NTRK3: variants seen among roughly 807,000 people sequenced by gnomAD.
NTRK3 encodes the protein NT-3 growth factor receptor.
In NTRK3, 24 loss-of-function variants were observed where a neutral mutation model predicts 91.7. That is an observed-to-expected ratio of 0.26 (90% CI 0.19 to 0.37). NTRK3 has a LOEUF of 0.37. Among genes scored for constraint, NTRK3 ranks in the 10% least tolerant of loss-of-function variants. The probability of loss-of-function intolerance (pLI) is 1.00; values close to 1 mark genes in which losing one functional copy is unlikely to be tolerated. For synonymous variants in NTRK3, 483 were observed against 404.0 expected (o/e 1.20, Z -2.34); for missense variants, 880 against 1,068.9 (o/e 0.82, Z 2.46).
intron 13 of NTRK3, among the ~76,000 whole-genome samples, chr15:88,055,171 T>C (rs1320854744): frequency 6.6e-6 from 1 of 152,188 alleles, no homozygotes; most frequent in East Asian, 1.9e-4. Flanking sequence ...GCCTCAGCCT[T>C]CTGCAGAGGA....
intron 13 of NTRK3, among the ~76,000 whole-genome samples, chr15:88,081,005 G>C (rs2047992357): frequency 6.6e-6 from 1 of 152,240 alleles, no homozygotes; most frequent in South Asian, 2.1e-4. Flanking sequence ...CCCTGTCCTT[G>C]CACTAAGCGG....
At chr15:88,239,090 T>C (rs1342748623) in intron 3 of NTRK3, among the ~76,000 whole-genome samples, 1 of 151,822 alleles carries the variant, frequency 6.6e-6, no homozygotes, top group East Asian at 1.9e-4. Context: ...CTCCAGGAAG[T>C]GGAAAGATAA....
At chr15:88,100,455 A>G (rs1347000557) in intron 13 of NTRK3, among the ~76,000 whole-genome samples, 1 of 152,174 alleles carries the variant, frequency 6.6e-6, no homozygotes, top group African/African-American at 2.4e-5. Flanking sequence ...GAGCTGGTAA[A>G]CCTCAGATGG....
At chr15:88,230,082 C>T (rs183014876) in intron 3 of NTRK3, among the ~76,000 whole-genome samples, 1 of 152,344 alleles carries the variant, frequency 6.6e-6, no homozygotes, top group African/African-American at 2.4e-5. Context: ...GCTGGATGAC[C>T]TTGGCCATGT....
intron 14 of NTRK3, among the ~76,000 whole-genome samples, chr15:87,956,288 GTTGT>G (rs1313782353): frequency 3.3e-5 from 5 of 152,114 alleles, no homozygotes; most frequent in African/African-American, 1.2e-4. Flanking sequence ...TGTTGTTGTT[GTTGT>G]TTGAGACAGA....
At chr15:87,895,537 T>C (rs2066068714) in intron 17 of NTRK3, among the ~76,000 whole-genome samples, 2 of 152,202 alleles carry the variant, frequency 1.3e-5, no homozygotes, top group Admixed American at 1.3e-4. Context: ...CCAAAATATA[T>C]TTCCTTGCCA....
intron 13 of NTRK3, among the ~76,000 whole-genome samples, chr15:88,070,774 T>C (rs950823894): frequency 2.0e-5 from 3 of 152,094 alleles, no homozygotes; most frequent in African/African-American, 7.2e-5. Context: ...AAATGTTTCT[T>C]CTTGTCTTGA....
At chr15:87,930,877 G>C (rs535209325) in intron 16 of NTRK3, among the ~76,000 whole-genome samples, 5 of 152,180 alleles carry the variant, frequency 3.3e-5, no homozygotes, top group African/African-American at 1.2e-4. Flanking sequence ...GATTTAGAGA[G>C]ACTCCCCCAT....
rs57879387 is a variant in NTRK3 at position 88,076,952 on chromosome 15, G to A, written c.1397-43907C>T. On this transcript the variant is annotated intron_variant, in intron 13 of 18. Transcript: ENST00000394480. Reference sequence around the variant, plus strand: ...CTACCAAAAATACAAAAAATTAGCCGGGTGCAGTGCCATGTGCCTGTAGTC... The same window carrying A: ...CTACCAAAAATACAAAAAATTAGCCAGGTGCAGTGCCATGTGCCTGTAGTC... Among the ~76,000 whole-genome samples the A allele has an allele frequency of 1.7e-3, 256 of 152,130 alleles. 6 individuals carry two copies. The East Asian group carries it at 0.043, about 25-fold the overall frequency.
intron 5 of NTRK3, among the ~76,000 whole-genome samples, chr15:88,160,196 G>A (rs538770484): frequency 9.2e-5 from 14 of 152,260 alleles, no homozygotes; most frequent in Admixed American, 2.6e-4. Flanking sequence ...AAGGAGGGGC[G>A]CCCCAGCCAT....
chr15:88,097,074 C>G (rs2049685535), intron 13 of NTRK3, among the ~76,000 whole-genome samples: 1 of 152,172 alleles, frequency 6.6e-6, no homozygotes, highest in Admixed American at 6.5e-5. Flanking sequence ...CACATGTGGC[C>G]ACTGAGCACC....
intron 17 of NTRK3, among the ~76,000 whole-genome samples, chr15:87,906,553 T>A (rs895914070): frequency 1.3e-5 from 2 of 152,242 alleles, no homozygotes; most frequent in African/African-American, 2.4e-5. Flanking sequence ...CCTGGTTTTC[T>A]CTCTTTGCTT....
chr15:87,929,449 G>A lies in NTRK3; in HGVS notation c.1890-15C>T. On this transcript the variant is annotated splice_polypyrimidine_tract_variant and intron_variant, in intron 16 of 18. Coordinates refer to ENST00000394480, the Ensembl canonical transcript of NTRK3. Reference sequence around the variant, plus strand: ...GCCCATGGGCCCTGCAAGAGCATGGGGAGAAGAGAGGGGGCAGAGAGAAAT... The same window carrying A: ...GCCCATGGGCCCTGCAAGAGCATGGAGAGAAGAGAGGGGGCAGAGAGAAAT... The A allele has an allele frequency of 1.2e-6, 2 of 1,613,062 alleles. No homozygotes were observed. The highest frequency in any genetic ancestry group is 1.7e-6 in the Non-Finnish European group (2 of 1,179,362).
intron 3 of NTRK3, among the ~76,000 whole-genome samples, chr15:88,190,782 T>C (rs902814626): frequency 4.6e-5 from 7 of 152,218 alleles, no homozygotes; most frequent in African/African-American, 1.7e-4. Context: ...AGATTTTCCA[T>C]AGCAAAACTA....
At chr15:88,244,182 T>G (rs1292045913) in intron 3 of NTRK3, among the ~76,000 whole-genome samples, 4 of 152,102 alleles carry the variant, frequency 2.6e-5, no homozygotes, top group African/African-American at 9.7e-5. Context: ...ATCTCCTGGG[T>G]GTGACCTAAC....
chr15:87,929,155 T>C (rs759315752), intron 17 of NTRK3, 36 bp downstream of exon 17: 56 of 1,614,006 alleles, frequency 3.5e-5, no homozygotes, highest in Admixed American at 6.7e-5. Context: ...GCGCTAGCTC[T>C]GTGGCTGAGT....
intron 14 of NTRK3, among the ~76,000 whole-genome samples, chr15:88,019,039 A>G (rs531087104): frequency 6.6e-6 from 1 of 152,216 alleles, no homozygotes; most frequent in South Asian, 2.1e-4. Flanking sequence ...AGATAGTTGG[A>G]TCCAGCTAAA....
chr15:88,120,187 A>G (rs1310633750), intron 13 of NTRK3, among the ~76,000 whole-genome samples: 2 of 152,232 alleles, frequency 1.3e-5, no homozygotes, highest in African/African-American at 4.8e-5. Flanking sequence ...AAGGATAACA[A>G]GAATGTTCAA....
intron 13 of NTRK3, among the ~76,000 whole-genome samples, chr15:88,104,310 T>C (rs976996840): frequency 1.3e-5 from 2 of 152,232 alleles, no homozygotes; most frequent in African/African-American, 4.8e-5. Flanking sequence ...TAAAGTAAAA[T>C]ACATTTATCA....
Sources: gnomAD v4.1 joint callset for allele counts (sites outside exome capture counted in the v4.1 genomes callset) on GRCh38, gnomAD v4.1.1 for gene constraint, MANE v1.5 for transcripts, NCBI Gene and HGNC (gene_info 2026-07-23, HGNC 2026-07-21) for gene names.